Variants in GPM6A observed in about 807,000 individuals in gnomAD.
GPM6A encodes glycoprotein M6A, also known as neuronal membrane glycoprotein M6-a.
In GPM6A, 7 loss-of-function variants were observed where a neutral mutation model predicts 32.1. The observed-to-expected ratio is 0.22, with a 90% confidence interval of 0.12 to 0.41. The LOEUF is 0.41. GPM6A is among the 10% of genes least tolerant of loss of function. The pLI is 1.00. For missense variants in GPM6A, 235 were observed against 347.2 expected, an observed-to-expected ratio of 0.68 and a Z score of 2.57; for synonymous variants, 130 against 123.4, an observed-to-expected ratio of 1.05 and a Z score of -0.35.
intron 1 of GPM6A, chr4:175,891,764 A>C (rs979094162): frequency 2.0e-5 from 3 of 152,256 alleles, no homozygotes; most frequent in Non-Finnish European, 4.4e-5. Context: ...TAAGACATGT[A>C]AAGTATTGAA....
intron 2 of GPM6A, among the ~76,000 whole-genome samples, chr4:175,683,927 G>A (rs543077059): frequency 1.2e-4 from 18 of 151,998 alleles, no homozygotes; most frequent in African/African-American, 4.3e-4. Context: ...CACCTCCTGG[G>A]TTCAAGCAAT....
intron 1 of GPM6A, among the ~76,000 whole-genome samples, chr4:175,753,542 T>A (rs916269946): frequency 2.0e-5 from 3 of 152,186 alleles, no homozygotes; most frequent in African/African-American, 7.2e-5. Context: ...AATGTGTTTT[T>A]ACCTTCATAA....
At chr4:175,638,011 T>A (rs1740913601) in intron 6 of GPM6A, among the ~76,000 whole-genome samples, 1 of 147,338 alleles carries the variant, frequency 6.8e-6, no homozygotes, top group South Asian at 2.1e-4. Context: ...GAACCCAAGC[T>A]GCAGGGCTTA....
At chr4:175,681,114 G>C (rs1455939016) in intron 2 of GPM6A, among the ~76,000 whole-genome samples, 2 of 152,158 alleles carry the variant, frequency 1.3e-5, no homozygotes, top group Non-Finnish European at 2.9e-5. Context: ...TTTAGAATTA[G>C]GATGGGAGGA....
At position 175,970,386 on chromosome 4, in the gene GPM6A, A is replaced by T. The variant is rs187593456; in HGVS notation, c.-23+31923T>A. Among the ~76,000 whole-genome samples, 12 of 152,372 alleles carry T rather than the reference A, an allele frequency of 7.9e-5. No homozygotes were observed. The East Asian group carries it at 2.3e-3, about 29-fold the overall frequency. ...AAAGTGAACTTCCATGGAAAAGAACAAAATTCAAAAAGCAGGGGAAATGAA... is the reference window on the plus strand; with the variant it reads ...AAAGTGAACTTCCATGGAAAAGAACTAAATTCAAAAAGCAGGGGAAATGAA... On this transcript the variant is annotated intron_variant, in intron 1 of 7. Transcript: ENST00000280187.
intron 1 of GPM6A, among the ~76,000 whole-genome samples, chr4:175,948,801 T>C (rs1739700966): frequency 6.6e-6 from 1 of 152,172 alleles, no homozygotes; most frequent in African/African-American, 2.4e-5. Flanking sequence ...CCCTACGCAG[T>C]AAAATAACAA....
intron 1 of GPM6A, among the ~76,000 whole-genome samples, chr4:175,864,359 G>A (rs112398683): frequency 3.3e-5 from 5 of 152,068 alleles, no homozygotes; most frequent in African/African-American, 1.2e-4. Context: ...GTAGAGACAG[G>A]GTTTCACCAG....
At chr4:175,787,992 A>G (rs913045173) in intron 1 of GPM6A, 1 of 152,186 alleles carries the variant, frequency 6.6e-6, no homozygotes, top group African/African-American at 2.4e-5. Context: ...ACACTTTTCC[A>G]TTGTTTCATC....
Position 175,913,739 on chromosome 4 carries a change from C to T in GPM6A, c.-23+88570G>A, listed in dbSNP as rs150791814. On this transcript the variant is annotated intron_variant, in intron 1 of 7. Coordinates refer to the GPM6A transcript ENST00000280187. The stretch of plus-strand genomic sequence containing the variant: ...CATCTCCTTCAAGCCTTTGCCAAAA[C>T]GTCACTTTCTCAATGAGGCCTACTC... 2.5e-4 allele frequency among the ~76,000 whole-genome samples: 38 copies of T among 152,220 alleles called. 1 individual carries two copies. The East Asian group carries it at 4.8e-3, about 19-fold the overall frequency.
intron 2 of GPM6A, among the ~76,000 whole-genome samples, chr4:175,697,197 C>T (rs1393549718): frequency 3.9e-5 from 6 of 152,116 alleles, no homozygotes; most frequent in Admixed American, 3.9e-4. Flanking sequence ...TTCAAAAAGC[C>T]AAGTCACTTA....
intron 1 of GPM6A, among the ~76,000 whole-genome samples, chr4:175,747,269 C>CAAAAA (rs5864346): frequency 8.2e-5 from 9 of 109,532 alleles, no homozygotes; most frequent in South Asian, 6.7e-4. Flanking sequence ...ACTCCATCTC[C>CAAAAA]AAAAAAAAAA....
chr4:175,901,375 C>T (rs1024005097), intron 1 of GPM6A, among the ~76,000 whole-genome samples: 1 of 151,982 alleles, frequency 6.6e-6, no homozygotes, highest in African/African-American at 2.4e-5. Flanking sequence ...TTTTATATTG[C>T]ATGCCTGTAT....
intron 1 of GPM6A, among the ~76,000 whole-genome samples, chr4:175,939,701 T>A (rs1739345535): frequency 6.6e-6 from 1 of 152,228 alleles, no homozygotes; most frequent in African/African-American, 2.4e-5. Context: ...TTAAAATGTA[T>A]TTTGTAATAA....
At chr4:175,951,500 C>A (rs78906941) in intron 1 of GPM6A, among the ~76,000 whole-genome samples, 10 of 151,968 alleles carry the variant, frequency 6.6e-5, no homozygotes, top group Non-Finnish European at 1.5e-4. Flanking sequence ...CCTCTGACGG[C>A]GAAATAATCT....
intron 1 of GPM6A, among the ~76,000 whole-genome samples, chr4:175,821,774 AT>A (rs919977604): frequency 6.6e-6 from 1 of 151,978 alleles, no homozygotes; most frequent in African/African-American, 2.4e-5. Flanking sequence ...ACATTATTGG[AT>A]TTTAAAAATC....
chr4:175,890,487 AATTTTATTTT>A (rs56214315), intron 1 of GPM6A, among the ~76,000 whole-genome samples: 6,647 of 127,696 alleles, frequency 0.052, 462 homozygotes, highest in African/African-American at 0.16. Context: ...TGTTTAGAGC[AATTTTATTTT>A]ATTTTATTTT....
chr4:175,701,749 A>C lies in GPM6A; in HGVS notation c.56T>G (p.Ile19Ser). ...ATAGGGAATGCCCCCCAGGCATTTG[A>C]TACAGCATTCAAAACACCCTGTAGA... is the stretch of plus-strand genomic sequence containing the variant. ...QTQKGCFECC[I>S]KCLGGIPYAS... is the part of the protein sequence containing the mutation. The change falls in exon 2 of 7, where the codon ATC becomes AGC. Residue 19 changes from isoleucine (I) to serine (S), a missense_variant. Transcript: ENST00000393658. The C allele has an allele frequency of 1.2e-6, 2 of 1,611,504 alleles. No homozygotes were observed. The highest frequency in any genetic ancestry group is 1.7e-6 in the Non-Finnish European group (2 of 1,178,018).
intron 4 of GPM6A, among the ~76,000 whole-genome samples, chr4:175,650,525 G>A (rs551080695): frequency 2.8e-4 from 42 of 152,034 alleles, no homozygotes; most frequent in African/African-American, 4.8e-4. Flanking sequence ...CGCTGGTCTC[G>A]AACTCCTGAC....
At chr4:175,638,185 A>G (rs1465788188) in intron 6 of GPM6A, among the ~76,000 whole-genome samples, 1 of 151,254 alleles carries the variant, frequency 6.6e-6, no homozygotes, top group Admixed American at 6.6e-5. Flanking sequence ...TACAATTACT[A>G]TTCTCAATTT....
Sources: gnomAD v4.1 joint callset for allele counts (sites outside exome capture counted in the v4.1 genomes callset) on GRCh38, gnomAD v4.1.1 for gene constraint, MANE v1.5 for transcripts, NCBI Gene and HGNC (gene_info 2026-07-23, HGNC 2026-07-21) for gene names.